CDH23: variants seen among roughly 807,000 people sequenced by gnomAD.
CDH23 encodes the protein cadherin-23.
A neutral mutation model predicts 317.1 loss-of-function variants in CDH23; 189 were observed. That is an observed-to-expected ratio of 0.60 (90% CI 0.53 to 0.67). The LOEUF (loss-of-function observed/expected upper bound fraction) is 0.67, where lower values mean the gene tolerates loss of function less well. CDH23 is among the 30% of genes least tolerant of loss of function. The pLI is 0.00. For missense variants in CDH23, 4,401 were observed against 4,592.4 expected (o/e 0.96, Z 1.20); for synonymous variants, 1,839 against 1,876.8 (o/e 0.98, Z 0.52).
intron 9 of CDH23, among the ~76,000 whole-genome samples, chr10:71,613,248 A>C (rs1007870130): frequency 1.3e-5 from 2 of 152,284 alleles, no homozygotes; most frequent in Non-Finnish European, 2.9e-5. Flanking sequence ...CAGCTAAAGA[A>C]ACTCCCTTCT....
intron 9 of CDH23, among the ~76,000 whole-genome samples, chr10:71,607,082 A>G (rs188142347): frequency 1.1e-4 from 17 of 152,362 alleles, no homozygotes; most frequent in African/African-American, 3.8e-4. Flanking sequence ...TTTTTAATTC[A>G]TAAGATGTCT....
At chr10:71,413,480 A>T (rs919488991) in intron 1 of CDH23, among the ~76,000 whole-genome samples, 1 of 152,198 alleles carries the variant, frequency 6.6e-6, no homozygotes, top group African/African-American at 2.4e-5. Context: ...GAGATTCCAC[A>T]TAAAATCTTA....
intron 14 of CDH23, among the ~76,000 whole-genome samples, chr10:71,672,768 T>C (rs917324368): frequency 2.0e-5 from 3 of 152,168 alleles, no homozygotes; most frequent in African/African-American, 4.8e-5. Context: ...GGGCCTCAGC[T>C]GCTCCAGGCC....
At chr10:71,449,455 C>T (rs1028494944) in intron 3 of CDH23, among the ~76,000 whole-genome samples, 4 of 152,178 alleles carry the variant, frequency 2.6e-5, no homozygotes, top group Admixed American at 2.6e-4. Context: ...GGAAACCTGC[C>T]TCCCTGGAAC....
intron 38 of CDH23, among the ~76,000 whole-genome samples, chr10:71,776,412 C>A (rs1840817654): frequency 6.6e-6 from 1 of 152,210 alleles, no homozygotes; most frequent in African/African-American, 2.4e-5. Flanking sequence ...TGTTCTCTGG[C>A]CTGGCAATGG....
chr10:71,752,941 G>A (rs1410508836), intron 38 of CDH23: 2 of 1,610,364 alleles, frequency 1.2e-6, no homozygotes. Flanking sequence ...GCCGGCCCAG[G>A]AAGTTTTCTC....
rs117534384 is a variant in CDH23 at position 71,444,095 on chromosome 10, G to A, written c.68-2223G>A. Among the ~76,000 whole-genome samples the A allele has an allele frequency of 1.8e-4, 27 of 152,332 alleles. No individual in the cohort carries two copies. In the East Asian group the frequency reaches 4.6e-3, roughly 26 times the overall value. On this transcript the variant is annotated intron_variant, in intron 2 of 69. Transcript: ENST00000224721. ...CACTCATTTGCCTCGGCTGGGCTGC[G>A]TCCTGCTCTCCTGTATCCTGAGCCC...
At position 71,628,050 on chromosome 10, in the gene CDH23, C is replaced by G. The variant is rs542942762; in HGVS notation, c.1134+10657C>G. On this transcript the variant is annotated intron_variant, in intron 11 of 69. Coordinates refer to ENST00000224721, the MANE Select transcript of CDH23 (RefSeq NM_022124.6). ...CCATTGGCCACCCCACCTCATACCC[C>G]TAACAGTGACAGGTGTGTCTTGTTT... Among the ~76,000 whole-genome samples the G allele has an allele frequency of 2.0e-5, 3 of 152,248 alleles. 1 individual carries two copies. Among genetic ancestry groups the G allele is most frequent in the African/African-American group, 7.2e-5 (3 of 41,466 alleles).
chr10:71,546,351 C>A (rs1458627521), intron 6 of CDH23, among the ~76,000 whole-genome samples: 1 of 152,174 alleles, frequency 6.6e-6, no homozygotes, highest in African/African-American at 2.4e-5. Flanking sequence ...CTCCTCTATA[C>A]CAGGCAGAGC....
intron 11 of CDH23, among the ~76,000 whole-genome samples, chr10:71,628,749 C>T (rs1861866930): frequency 6.6e-6 from 1 of 152,206 alleles, no homozygotes; most frequent in Non-Finnish European, 1.5e-5. Context: ...CCTCCTGCCT[C>T]ATCCTCCCAA....
Position 71,533,525 on chromosome 10 carries a change from C to CCCCACACACA in CDH23, c.429+22314_429+22315insCCACACACAC, listed in dbSNP as rs1249775933. On this transcript the variant is annotated intron_variant, in intron 6 of 69. Coordinates refer to ENST00000224721, the MANE Select transcript of CDH23 (RefSeq NM_022124.6). ...ATTGTGACCCTAGGCTGGCTGGACA[C>CCCCACACACA]CACACACACACACACACACACACAC... Among the ~76,000 whole-genome samples, 196 of 130,818 alleles carry CCCCACACACA rather than the reference C, an allele frequency of 1.5e-3. 2 individuals are homozygous for CCCCACACACA. Among genetic ancestry groups the CCCCACACACA allele is most frequent in the African/African-American group, 5.4e-3 (182 of 33,562 alleles). The allele number at this position is 130,818 out of a possible 152,430, so 85.8% of individuals were successfully genotyped here.
At chr10:71,810,714 C>CT in intron 62 of CDH23, 145 bp downstream of exon 62, 1 of 732,344 alleles carries the variant, frequency 1.4e-6, no homozygotes, top group Non-Finnish European at 2.3e-6. Flanking sequence ...TGGGGCAGGG[C>CT]TAGGAGAGAG....
At chr10:71,421,166 T>G (rs1848796468) in intron 1 of CDH23, among the ~76,000 whole-genome samples, 1 of 152,232 alleles carries the variant, frequency 6.6e-6, no homozygotes, top group Admixed American at 6.5e-5. Context: ...GATCCCCTCT[T>G]TGTTTGCAGG....
chr10:71,739,893 C>A, intron 36 of CDH23, 121 bp downstream of exon 36: 1 of 1,161,968 alleles, frequency 8.6e-7, no homozygotes, highest in Non-Finnish European at 1.2e-6. Flanking sequence ...CCCCTGCTGT[C>A]ACCAAGTAAC....
intron 38 of CDH23, among the ~76,000 whole-genome samples, chr10:71,744,290 C>A (rs990390550): frequency 7.9e-5 from 12 of 152,156 alleles, no homozygotes; most frequent in African/African-American, 2.2e-4. Flanking sequence ...GCACCACCCC[C>A]ACTCCCCACC....
At chr10:71,500,992 C>G (rs749300827) in intron 3 of CDH23, among the ~76,000 whole-genome samples, 1 of 151,948 alleles carries the variant, frequency 6.6e-6, no homozygotes, top group Non-Finnish European at 1.5e-5. Flanking sequence ...GCCTCAGCCT[C>G]GAGTAGCTGG....
chr10:71,657,523 A>T (rs989604624), intron 14 of CDH23, among the ~76,000 whole-genome samples: 2 of 152,220 alleles, frequency 1.3e-5, no homozygotes, highest in African/African-American at 4.8e-5. Flanking sequence ...AACGTGAATT[A>T]TTAGTAAGCC....
At position 71,811,409 on chromosome 10, in the gene CDH23, C is replaced by G; in HGVS notation, c.9172C>G (p.Leu3058Val). The G allele has an allele frequency of 6.2e-7, 1 of 1,614,012 alleles. No homozygotes were observed. The highest frequency in any genetic ancestry group is 8.5e-7 in the Non-Finnish European group (1 of 1,179,898). ...LDVQPAISVR[L>V]PDDMSALQMA... is the part of the protein sequence containing the mutation. ...CGTGCAGCCTGCCATCTCTGTCCGG[C>G]TGCCGGATGACATGTCTGCCCTGCA... Residue 3058 changes from leucine to valine, a missense_variant, in exon 63 of 70, where the codon CTG becomes GTG. Physicochemically the swap from Leu to Val is conservative, Grantham distance 32. This residue lies in a region of CDH23 where 1,144 missense variants were observed against 1,138.2 expected (regional missense o/e 1.01). Coordinates refer to ENST00000224721, the MANE Select transcript of CDH23 (RefSeq NM_022124.6).
At chr10:71,452,405 C>T (rs928447377) in intron 3 of CDH23, among the ~76,000 whole-genome samples, 1 of 152,190 alleles carries the variant, frequency 6.6e-6, no homozygotes, top group South Asian at 2.1e-4. Flanking sequence ...CTCAGCGAGT[C>T]GCCCCCACTC....
Sources: gnomAD v4.1 joint callset for allele counts (sites outside exome capture counted in the v4.1 genomes callset) on GRCh38, gnomAD v4.1.1 for gene constraint, gnomAD v4.1.1 regional missense constraint, MANE v1.5 for transcripts, NCBI Gene and HGNC (gene_info 2026-07-23, HGNC 2026-07-21) for gene names.